CLDN14: variants seen among roughly 807,000 people sequenced by gnomAD.
The protein encoded by CLDN14 is claudin 14.
In CLDN14, 2 loss-of-function variants were observed where a neutral mutation model predicts 2.1. That is an observed-to-expected ratio of 0.96 (90% CI 0.39 to 3.01). The LOEUF is 3.01. CLDN14 is among the 30% of genes most tolerant of loss of function. The probability of loss-of-function intolerance (pLI) is 0.09; values close to 1 mark genes in which losing one functional copy is unlikely to be tolerated. For missense variants in CLDN14, 298 were observed against 328.0 expected, an observed-to-expected ratio of 0.91 and a Z score of 0.71; for synonymous variants, 136 against 154.4, an observed-to-expected ratio of 0.88 and a Z score of 0.88.
intron 1 of CLDN14, among the ~76,000 whole-genome samples, chr21:36,575,167 G>A (rs1308626329): frequency 1.3e-5 from 2 of 152,178 alleles, no homozygotes; most frequent in Non-Finnish European, 2.9e-5. Context: ...GCTGTTTGCT[G>A]TCTCATCTGC....
At chr21:36,462,949 A>G (rs187204092) in intron 1 of CLDN14, among the ~76,000 whole-genome samples, 2 of 151,982 alleles carry the variant, frequency 1.3e-5, no homozygotes, top group Non-Finnish European at 2.9e-5. Context: ...AAACAAAAAA[A>G]AACACTAGGA....
intron 1 of CLDN14, among the ~76,000 whole-genome samples, chr21:36,464,985 C>T (rs541235664): frequency 3.3e-5 from 5 of 152,328 alleles, no homozygotes; most frequent in Admixed American, 1.3e-4. Flanking sequence ...GGCCTTGCCC[C>T]TTTTGCAGTG....
intron 2 of CLDN14, chr21:36,486,133 C>A: frequency 7.7e-7 from 1 of 1,301,112 alleles, no homozygotes; most frequent in Non-Finnish European, 1.1e-6. Flanking sequence ...GATCCTGCAT[C>A]ACGTCGTAAT....
intron 2 of CLDN14, chr21:36,486,966 G>A: frequency 2.2e-6 from 1 of 454,536 alleles, no homozygotes; most frequent in East Asian, 5.1e-5. Flanking sequence ...TGTTCTCAGG[G>A]TTGCTGTGGA....
upstream of CLDN14, chr21:36,480,493 G>C (rs1207410425): frequency 1.3e-5 from 2 of 152,174 alleles, no homozygotes; most frequent in Non-Finnish European, 2.9e-5. Flanking sequence ...GGTCAGGGCT[G>C]GGAACGCCTC....
chr21:36,548,198 T>C (rs528358913), intron 1 of CLDN14, among the ~76,000 whole-genome samples: 2 of 151,524 alleles, frequency 1.3e-5, no homozygotes, highest in South Asian at 4.2e-4. Flanking sequence ...ACTCCCCTAG[T>C]AAGTCAACCC....
chr21:36,522,872 C>T (rs1568868420), intron 1 of CLDN14, among the ~76,000 whole-genome samples: 1 of 152,026 alleles, frequency 6.6e-6, no homozygotes, highest in Non-Finnish European at 1.5e-5. Context: ...GTCTTCAATG[C>T]CCTGCCATTG....
At chr21:36,569,409 C>T (rs1293275115) in intron 1 of CLDN14, among the ~76,000 whole-genome samples, 1 of 144,208 alleles carries the variant, frequency 6.9e-6, no homozygotes, top group Admixed American at 6.8e-5. Context: ...GAGTGAGACT[C>T]CGTCTCAAAA....
At position 36,551,834 on chromosome 21, in the gene CLDN14, G is replaced by C. The variant is rs1289304517; in HGVS notation, c.-220+24577C>G. Reference sequence around the variant, plus strand: ...ACAGCAACTCATTGCAACTGCTCCTGTCCTGTCGGTCGAGAGGAGAGTGCA... The same window carrying C: ...ACAGCAACTCATTGCAACTGCTCCTCTCCTGTCGGTCGAGAGGAGAGTGCA... On this transcript the variant is annotated intron_variant, in intron 1 of 2. Coordinates refer to the CLDN14 transcript ENST00000342108. This position sits in a 1 kb window ranked among gnomAD's most constrained non-coding sequence, Gnocchi z 4.8. Among the ~76,000 whole-genome samples the C allele has an allele frequency of 6.6e-6, 1 of 152,184 alleles. No homozygotes were observed.
chr21:36,552,684 AAAAACAAAAC>A (rs142309167), intron 1 of CLDN14, among the ~76,000 whole-genome samples: 4 of 150,574 alleles, frequency 2.7e-5, no homozygotes, highest in East Asian at 2.0e-4. Context: ...AAAACAAGAC[AAAAACAAAAC>A]AAAACAAAAC....
chr21:36,523,761 A>AAAAGAAAGAG (rs1568868797), intron 1 of CLDN14, among the ~76,000 whole-genome samples: 3 of 47,978 alleles, frequency 6.3e-5, no homozygotes, highest in Non-Finnish European at 9.1e-5. Flanking sequence ...AAAAAAAAAA[A>AAAAGAAAGAG]AGAAAGAAAG....
chr21:36,514,503 C>T (rs949791184), intron 1 of CLDN14, among the ~76,000 whole-genome samples: 1 of 152,204 alleles, frequency 6.6e-6, no homozygotes, highest in African/African-American at 2.4e-5. Context: ...CTGAATTAAA[C>T]TCCACTCATC....
At chr21:36,494,681 A>G (rs1479508052) in intron 2 of CLDN14, among the ~76,000 whole-genome samples, 1 of 152,176 alleles carries the variant, frequency 6.6e-6, no homozygotes, top group East Asian at 1.9e-4. Context: ...AGGCACATGC[A>G]GGGGGATGAC....
At chr21:36,501,400 G>C (rs2087091374) in intron 2 of CLDN14, among the ~76,000 whole-genome samples, 1 of 114,872 alleles carries the variant, frequency 8.7e-6, no homozygotes, top group Non-Finnish European at 1.7e-5. Flanking sequence ...GGTTACATTA[G>C]TGTGAGTTGT....
At chr21:36,521,559 G>A (rs577022633) in intron 1 of CLDN14, among the ~76,000 whole-genome samples, 8 of 152,340 alleles carry the variant, frequency 5.3e-5, no homozygotes, top group African/African-American at 1.9e-4. Flanking sequence ...GGAAAATCCT[G>A]AAATTGAGTC....
At chr21:36,492,490 A>G (rs532983153) in intron 2 of CLDN14, among the ~76,000 whole-genome samples, 64 of 144,586 alleles carry the variant, frequency 4.4e-4, no homozygotes, top group African/African-American at 1.4e-3. Flanking sequence ...GCTGCAGGGC[A>G]TGGTGGCGAG....
At chr21:36,575,417 G>A (rs777484112) in intron 1 of CLDN14, among the ~76,000 whole-genome samples, 3 of 152,198 alleles carry the variant, frequency 2.0e-5, no homozygotes, top group Admixed American at 6.5e-5. Context: ...CCATTTTACA[G>A]ATGAGGAAAC....
At chr21:36,560,998 T>C (rs1157667904) in intron 1 of CLDN14, among the ~76,000 whole-genome samples, 1 of 152,260 alleles carries the variant, frequency 6.6e-6, no homozygotes, top group East Asian at 1.9e-4. Context: ...TCTAAAAGCA[T>C]ACAAAACATA....
chr21:36,471,404 C>G (rs1024507115), intron 1 of CLDN14, among the ~76,000 whole-genome samples: 1 of 152,164 alleles, frequency 6.6e-6, no homozygotes, highest in Non-Finnish European at 1.5e-5. Flanking sequence ...CTCAGCTTCT[C>G]CAGGCTTAAA....
Sources: allele counts gnomAD v4.1 joint callset (sites outside exome capture counted in the v4.1 genomes callset), GRCh38; gene constraint gnomAD v4.1.1; non-coding constraint Gnocchi (gnomAD v3.1); transcripts MANE v1.5; gene names NCBI Gene and HGNC (gene_info 2026-07-23, HGNC 2026-07-21).